The following APBB2 variants were observed in gnomAD, a reference collection of about 807,000 sequenced individuals.
APBB2 encodes Fe65-like 1.
APBB2 carries 38 observed loss-of-function variants against 82.5 expected under a neutral mutation model. That is an observed-to-expected ratio of 0.46 (90% CI 0.36 to 0.60). The LOEUF (loss-of-function observed/expected upper bound fraction) is 0.60, where lower values mean the gene tolerates loss of function less well. Ranked by LOEUF, APBB2 falls within the 20% of genes least tolerant of loss-of-function variation. The pLI is 0.00. For missense variants in APBB2, 772 were observed against 972.3 expected (o/e 0.79, Z 2.74); for synonymous variants, 341 against 368.2 (o/e 0.93, Z 0.85).
At chr4:40,976,892 A>T (rs982319697) in intron 6 of APBB2, among the ~76,000 whole-genome samples, 3 of 151,988 alleles carry the variant, frequency 2.0e-5, no homozygotes, top group East Asian at 1.9e-4. Context: ...TATAAAAAAT[A>T]AAAAAAATTA....
At chr4:40,882,814 T>G (rs1769034537) in intron 12 of APBB2, among the ~76,000 whole-genome samples, 1 of 152,188 alleles carries the variant, frequency 6.6e-6, no homozygotes, top group Admixed American at 6.5e-5. Flanking sequence ...TTGAGGTGAC[T>G]GGTTTTCACA....
rs1440628051 is a variant in APBB2, at chr4:40,811,918, TA to T, written c.*4173del. 2.0e-5 allele frequency: 3 copies of T among 152,226 alleles called. No individual in the cohort carries two copies. Among genetic ancestry groups the T allele is most frequent in the Non-Finnish European group, 4.4e-5 (3 of 68,044 alleles). The allele number at this position is 152,226 out of a possible 1,614,324, so 9.4% of individuals were successfully genotyped here. ...CTCTAGTTACCTTTCATTTTGGATT[TA>T]GTGTGTGTACACCTCTATTCTTTAT... On this transcript the variant is annotated 3_prime_UTR_variant, in exon 18 of 18. Transcript: ENST00000508593.
chr4:40,870,997 C>A (rs1161339727), intron 12 of APBB2, among the ~76,000 whole-genome samples: 1 of 84,404 alleles, frequency 1.2e-5, no homozygotes, highest in Non-Finnish European at 2.5e-5. Context: ...CACCACCGCG[C>A]CCAGCCATAC....
At chr4:41,070,957 C>T (rs973397573) in intron 3 of APBB2, among the ~76,000 whole-genome samples, 10 of 152,164 alleles carry the variant, frequency 6.6e-5, no homozygotes, top group Admixed American at 5.9e-4. Flanking sequence ...ACTGCATTTA[C>T]GGTACTAGCC....
chr4:40,839,953 T>C (rs1353903956), intron 12 of APBB2, among the ~76,000 whole-genome samples: 59 of 152,272 alleles, frequency 3.9e-4, no homozygotes, highest in African/African-American at 1.3e-3. Context: ...GCATGAGCCA[T>C]TGCGCCTGGC....
intron 3 of APBB2, among the ~76,000 whole-genome samples, chr4:41,092,688 C>CA (rs77137726): frequency 0.32 from 29,951 of 93,564 alleles, 3,496 homozygotes; most frequent in African/African-American, 0.37. Context: ...GACTCCGTCT[C>CA]AAAAAAAAAA....
At chr4:41,174,984 T>C (rs1373569604) in intron 1 of APBB2, among the ~76,000 whole-genome samples, 1 of 152,210 alleles carries the variant, frequency 6.6e-6, no homozygotes, top group Non-Finnish European at 1.5e-5. Flanking sequence ...CTTTAAAATG[T>C]CTTTTTTCAT....
At chr4:40,971,511 G>C (rs1225141070) in intron 6 of APBB2, among the ~76,000 whole-genome samples, 2 of 152,306 alleles carry the variant, frequency 1.3e-5, no homozygotes, top group African/African-American at 4.8e-5. Flanking sequence ...AAATGGTTAT[G>C]TCAGCTGCTT....
rs770018715 is a variant in APBB2 at position 41,013,994 on chromosome 4, G to C, written c.424C>G (p.Pro142Ala). The C allele has an allele frequency of 6.8e-6, 11 of 1,614,020 alleles. No individual in the cohort carries two copies. In the East Asian group the frequency reaches 2.5e-4, roughly 36 times the overall value. The change falls in exon 6 of 18, where the codon CCA becomes GCA. Residue 142 changes from proline (P) to alanine (A), a missense_variant. Coordinates refer to ENST00000508593, the MANE Select transcript of APBB2 (RefSeq NM_004307.2). ...ATCTCACAGCTCGAGGAATCCTGTG[G>C]GTGGGGCTCTTTACCCTCTAACTTC... is the stretch of plus-strand genomic sequence containing the variant. ...SEKLEGKEPH[P>A]QDSSSCEILP... is the part of the protein sequence containing the mutation.
Position 41,214,147 on chromosome 4 carries a change from C to T in APBB2, c.-417+258G>A, listed in dbSNP as rs115820418. Among the ~76,000 whole-genome samples the T allele has an allele frequency of 9.4e-3, 1,433 of 152,266 alleles. 15 individuals are homozygous for T. The highest frequency in any genetic ancestry group is 0.033 in the African/African-American group (1,352 of 41,574). ...GAGCCCGCAGTCGCCGTGCCACTGG[C>T]CCTGCGGCGCGGGCGCAGGGCGCAC... On this transcript the variant is annotated intron_variant, in intron 1 of 17. Coordinates refer to ENST00000508593, the MANE Select transcript of APBB2 (RefSeq NM_004307.2).
intron 1 of APBB2, among the ~76,000 whole-genome samples, chr4:41,200,275 A>G (rs1776376114): frequency 6.6e-6 from 1 of 152,222 alleles, no homozygotes; most frequent in African/African-American, 2.4e-5. Flanking sequence ...AAATTCAATC[A>G]GCTTTCTTGT....
intron 12 of APBB2, among the ~76,000 whole-genome samples, chr4:40,888,664 A>G (rs1196250553): frequency 6.7e-6 from 1 of 149,850 alleles, no homozygotes; most frequent in East Asian, 2.0e-4. Context: ...ACACGTATGT[A>G]ATGTAACAAG....
chr4:41,075,825 T>C lies in APBB2; in HGVS notation c.-148-10152A>G, dbSNP rs184583687. Among the ~76,000 whole-genome samples the C allele has an allele frequency of 3.8e-3, 581 of 152,358 alleles. 2 individuals carry two copies. Among genetic ancestry groups the C allele is most frequent in the Non-Finnish European group, 5.8e-3 (396 of 68,030 alleles). On this transcript the variant is annotated intron_variant, in intron 3 of 17. Transcript: ENST00000508593. ...TTATATTCTCAAACCAACAAAACAG[T>C]ATCACTTAGTTCATTTTGACAGTGA...
At chr4:41,104,171 C>T (rs1336289305) in intron 2 of APBB2, among the ~76,000 whole-genome samples, 35 of 152,276 alleles carry the variant, frequency 2.3e-4, no homozygotes, top group Admixed American at 2.1e-3. Context: ...GATAAACTTC[C>T]AGTTTGAGGA....
At chr4:40,935,453 A>T (rs1785158288) in intron 7 of APBB2, 2 of 299,320 alleles carry the variant, frequency 6.7e-6, no homozygotes, top group Non-Finnish European at 1.2e-5. Context: ...CAAGTATTCA[A>T]TAACTAGCAT....
chr4:41,051,226 A>C (rs1382672421), intron 4 of APBB2, among the ~76,000 whole-genome samples: 1 of 152,216 alleles, frequency 6.6e-6, no homozygotes, highest in Non-Finnish European at 1.5e-5. Context: ...AAGCCACCAT[A>C]GAATTCTAAG....
intron 1 of APBB2, among the ~76,000 whole-genome samples, chr4:41,169,355 G>A (rs539456348): frequency 2.0e-5 from 3 of 152,210 alleles, no homozygotes; most frequent in African/African-American, 4.8e-5. Context: ...AGAGACTGAA[G>A]AGGAAAAAAT....
At chr4:41,153,503 T>TA (rs1396154584) in intron 1 of APBB2, among the ~76,000 whole-genome samples, 1 of 152,210 alleles carries the variant, frequency 6.6e-6, no homozygotes, top group African/African-American at 2.4e-5. Context: ...TCCCCTACTA[T>TA]CTCATCTGTA....
intron 12 of APBB2, among the ~76,000 whole-genome samples, chr4:40,853,426 T>C (rs1760131422): frequency 6.6e-6 from 1 of 151,984 alleles, no homozygotes; most frequent in Non-Finnish European, 1.5e-5. Context: ...CTCAGGCACG[T>C]TGAGTGCTCC....
Sources: gnomAD v4.1 joint callset for allele counts (sites outside exome capture counted in the v4.1 genomes callset) on GRCh38, gnomAD v4.1.1 for gene constraint, MANE v1.5 for transcripts, NCBI Gene and HGNC (gene_info 2026-07-23, HGNC 2026-07-21) for gene names.